The following GRID2 variants were observed in gnomAD, a reference collection of about 807,000 sequenced individuals.
The protein encoded by GRID2 is glutamate receptor ionotropic, delta-2.
In GRID2, 33 loss-of-function variants were observed where a neutral mutation model predicts 114.8. The observed-to-expected ratio is 0.29, with a 90% CI of 0.22 to 0.38. The LOEUF (loss-of-function observed/expected upper bound fraction) is 0.38. Among genes scored for constraint, GRID2 ranks in the 10% least tolerant of loss-of-function variants. The pLI, the probability that GRID2 is intolerant of heterozygous loss-of-function variation, is 1.00. For missense variants in GRID2, 1,184 were observed against 1,257.7 expected (o/e 0.94, Z 0.89); for synonymous variants, 505 against 449.9 (o/e 1.12, Z -1.55).
chr4:92,535,838 C>T (rs532144735), intron 1 of GRID2, among the ~76,000 whole-genome samples: 120 of 152,114 alleles, frequency 7.9e-4, no homozygotes, highest in Middle Eastern at 6.8e-3. Context: ...GCGGGTTCGT[C>T]GTCTTGCTCA....
chr4:93,423,919 T>C (rs1768586354), intron 10 of GRID2, among the ~76,000 whole-genome samples: 1 of 152,098 alleles, frequency 6.6e-6, no homozygotes, highest in African/African-American at 2.4e-5. Flanking sequence ...TTTCTTGGGG[T>C]TAATTAAATA....
intron 2 of GRID2, among the ~76,000 whole-genome samples, chr4:92,733,774 C>G (rs943746390): frequency 1.3e-5 from 2 of 152,068 alleles, no homozygotes; most frequent in Non-Finnish European, 2.9e-5. Context: ...GTGATCCTGG[C>G]TCTGTCCCTT....
intron 2 of GRID2, among the ~76,000 whole-genome samples, chr4:92,994,467 C>T (rs1755082496): frequency 6.6e-6 from 1 of 151,998 alleles, no homozygotes; most frequent in South Asian, 2.1e-4. Flanking sequence ...ATTCTCCTAC[C>T]TCAGCCTCCC....
chr4:92,685,960 T>C (rs1388160711), intron 2 of GRID2, among the ~76,000 whole-genome samples: 1 of 152,064 alleles, frequency 6.6e-6, no homozygotes, highest in East Asian at 1.9e-4. Flanking sequence ...ACTCTCAGTT[T>C]AACGTTACTT....
chr4:93,653,342 A>C (rs1442004851), intron 14 of GRID2, among the ~76,000 whole-genome samples: 2 of 152,184 alleles, frequency 1.3e-5, no homozygotes, highest in African/African-American at 4.8e-5. Context: ...ATTAGTTAAT[A>C]TATTTGGCAA....
chr4:93,756,577 A>T (rs1732767305), intron 14 of GRID2, among the ~76,000 whole-genome samples: 1 of 152,134 alleles, frequency 6.6e-6, no homozygotes, highest in Admixed American at 6.5e-5. Context: ...AGCAAACATG[A>T]TGGTGTCTCT....
intron 13 of GRID2, among the ~76,000 whole-genome samples, chr4:93,539,538 GT>G (rs1732444107): frequency 6.6e-6 from 1 of 151,998 alleles, no homozygotes; most frequent in Non-Finnish European, 1.5e-5. Context: ...CTTAGCATGT[GT>G]TAGGTCTCTT....
chr4:93,286,929 C>T (rs1283988900), intron 8 of GRID2, among the ~76,000 whole-genome samples: 3 of 152,110 alleles, frequency 2.0e-5, no homozygotes, highest in South Asian at 4.1e-4. Context: ...TAATATTATA[C>T]AATCAGTGTT....
intron 8 of GRID2, among the ~76,000 whole-genome samples, chr4:93,264,247 A>G (rs1362248530): frequency 6.6e-6 from 1 of 152,166 alleles, no homozygotes; most frequent in Non-Finnish European, 1.5e-5. Context: ...ATTATTCTTC[A>G]TTAATGATTG....
At chr4:93,329,260 T>C (rs1049643859) in intron 8 of GRID2, among the ~76,000 whole-genome samples, 2 of 152,116 alleles carry the variant, frequency 1.3e-5, no homozygotes, top group East Asian at 1.9e-4. Context: ...ACTGGAGGCA[T>C]TGACATTATG....
At chr4:93,386,978 G>C (rs1764377784) in intron 8 of GRID2, among the ~76,000 whole-genome samples, 1 of 152,170 alleles carries the variant, frequency 6.6e-6, no homozygotes, top group African/African-American at 2.4e-5. Flanking sequence ...ACTCCCGTCA[G>C]ACACTGCAGC....
chr4:93,264,549 C>T (rs913676143), intron 8 of GRID2, among the ~76,000 whole-genome samples: 19 of 151,294 alleles, frequency 1.3e-4, no homozygotes, highest in Non-Finnish European at 1.9e-4. Flanking sequence ...AGCACTTACA[C>T]GAAGACATGG....
chr4:92,939,375 G>A (rs1268631612), intron 2 of GRID2, among the ~76,000 whole-genome samples: 1 of 147,484 alleles, frequency 6.8e-6, no homozygotes, highest in African/African-American at 2.4e-5. Context: ...TTTGAGAATT[G>A]TCTGTTTATG....
At chr4:92,656,712 T>C (rs1190585037) in intron 2 of GRID2, among the ~76,000 whole-genome samples, 1 of 151,718 alleles carries the variant, frequency 6.6e-6, no homozygotes, top group Non-Finnish European at 1.5e-5. Context: ...TCCCATGCAA[T>C]GAAAATTAAT....
chr4:92,737,011 C>T (rs751851164), intron 2 of GRID2, among the ~76,000 whole-genome samples: 11 of 151,908 alleles, frequency 7.2e-5, no homozygotes, highest in Non-Finnish European at 1.3e-4. Flanking sequence ...GGTTGAGATA[C>T]TCATATACTC....
chr4:92,836,172 G>A (rs1578268353), intron 2 of GRID2, among the ~76,000 whole-genome samples: 2 of 152,226 alleles, frequency 1.3e-5, no homozygotes, highest in East Asian at 3.9e-4. Flanking sequence ...TAGTGACAGA[G>A]ATCATACGGT....
intron 2 of GRID2, among the ~76,000 whole-genome samples, chr4:93,032,445 G>A: frequency 6.6e-6 from 1 of 152,050 alleles, no homozygotes. Context: ...ATAAAAATAT[G>A]ATATTGAATT....
intron 8 of GRID2, among the ~76,000 whole-genome samples, chr4:93,252,187 T>C: frequency 6.6e-6 from 1 of 152,194 alleles, no homozygotes; most frequent in Middle Eastern, 3.2e-3. Flanking sequence ...CTAGGGTTTT[T>C]AGAGTTTGGG....
At chr4:92,722,371 T>G (rs1423380111) in intron 2 of GRID2, among the ~76,000 whole-genome samples, 1 of 152,052 alleles carries the variant, frequency 6.6e-6, no homozygotes, top group African/African-American at 2.4e-5. Context: ...AGTGGGAGCC[T>G]TACCTCATGT....
Sources: allele counts gnomAD v4.1 joint callset (sites outside exome capture counted in the v4.1 genomes callset), GRCh38; gene constraint gnomAD v4.1.1; transcripts MANE v1.5; gene names NCBI Gene and HGNC (gene_info 2026-07-23, HGNC 2026-07-21).